The following PRSS23 variants were observed in gnomAD, a reference collection of about 807,000 sequenced individuals.
The protein encoded by PRSS23 is protease, serine 23.
A neutral mutation model predicts 34.7 loss-of-function variants in PRSS23; 25 were observed. The observed-to-expected ratio is 0.72, with a 90% CI of 0.53 to 1.01. The LOEUF is 1.01. Among genes scored for constraint, PRSS23 ranks in the 50% least tolerant of loss-of-function variants. The pLI, the probability that PRSS23 is intolerant of heterozygous loss-of-function variation, is 0.00. For synonymous variants in PRSS23, 176 were observed against 186.6 expected (o/e 0.94, Z 0.46); for missense variants, 445 against 475.6 (o/e 0.94, Z 0.60).
intron 2 of PRSS23, among the ~76,000 whole-genome samples, chr11:86,901,293 A>G (rs1318459773): frequency 6.6e-6 from 1 of 152,156 alleles, no homozygotes; most frequent in African/African-American, 2.4e-5. Context: ...TACATTATAT[A>G]CCAAGAACCG....
intron 2 of PRSS23, among the ~76,000 whole-genome samples, chr11:86,843,859 T>A (rs1439513730): frequency 6.6e-6 from 1 of 152,210 alleles, no homozygotes; most frequent in Non-Finnish European, 1.5e-5. Context: ...AGTGTGGCAA[T>A]TCCTCAAGTA....
At chr11:86,843,612 A>C (rs1426612244) in intron 2 of PRSS23, among the ~76,000 whole-genome samples, 2 of 152,224 alleles carry the variant, frequency 1.3e-5, no homozygotes, top group Non-Finnish European at 2.9e-5. Flanking sequence ...AAAGAATATA[A>C]ACAGACACTT....
chr11:86,811,910 C>T (rs1036025154), downstream of PRSS23, among the ~76,000 whole-genome samples: 2 of 152,114 alleles, frequency 1.3e-5, no homozygotes, highest in Non-Finnish European at 2.9e-5. Context: ...TGACAGTGAT[C>T]CCCAACACTC....
intron 2 of PRSS23, among the ~76,000 whole-genome samples, chr11:86,932,280 T>G (rs1360009028): frequency 6.6e-6 from 1 of 152,174 alleles, no homozygotes; most frequent in East Asian, 1.9e-4. Context: ...AAATTAGGCT[T>G]TCCCAAACAA....
intron 2 of PRSS23, among the ~76,000 whole-genome samples, chr11:86,901,162 C>A (rs1948909782): frequency 6.6e-6 from 1 of 152,070 alleles, no homozygotes; most frequent in African/African-American, 2.4e-5. Flanking sequence ...TTCATAACAG[C>A]CTAGTCTTTT....
Position 86,891,845 on chromosome 11 carries a change from G to A in PRSS23, c.207-59371G>A, listed in dbSNP as rs552066930. On this transcript the variant is annotated intron_variant, in intron 2 of 2. Transcript: ENST00000533902. ...CTAAGTGTTTGGTAGTTCCTCCTGC[G>A]TTCATTCTCCTTCCTGCTGCCTTGT... Among the ~76,000 whole-genome samples, 299 of 152,178 alleles carry A rather than the reference G, an allele frequency of 2.0e-3. 1 individual carries two copies. Among genetic ancestry groups the A allele is most frequent in the Non-Finnish European group, 2.3e-3 (158 of 68,016 alleles).
chr11:86,838,837 A>G (rs1449599321), intron 2 of PRSS23, among the ~76,000 whole-genome samples: 1 of 152,192 alleles, frequency 6.6e-6, no homozygotes, highest in Admixed American at 6.5e-5. Context: ...CCAGGCAAAC[A>G]GGTTCTGGAA....
In PRSS23 at chr11:86,800,659, C is replaced by G. The variant is rs553750167; in HGVS notation, c.-14+8C>G. On this transcript the variant is annotated splice_region_variant and intron_variant, in intron 1 of 1. Transcript: ENST00000280258. ...GCGGGCTGCTCGGCGCGGGTGAGTG[C>G]GGGCACCGACTGGGGCATCCGCCCG... The G allele has an allele frequency of 4.2e-5, 41 of 984,880 alleles. 1 individual carries two copies. The Middle Eastern group carries it at 2.1e-3, about 50-fold the overall frequency. The allele number at this position is 984,880 out of a possible 1,614,324, so 61.0% of individuals were successfully genotyped here.
intron 2 of PRSS23, among the ~76,000 whole-genome samples, chr11:86,858,103 A>G (rs978813675): frequency 7.2e-5 from 11 of 151,998 alleles, no homozygotes; most frequent in African/African-American, 2.7e-4. Flanking sequence ...TACTCCCAGT[A>G]TCTCAGAAAC....
At chr11:86,864,622 A>G (rs1317384974) in intron 2 of PRSS23, among the ~76,000 whole-genome samples, 1 of 152,210 alleles carries the variant, frequency 6.6e-6, no homozygotes. Flanking sequence ...TTAGTTTTCT[A>G]TTGCTTCTAT....
intron 2 of PRSS23, among the ~76,000 whole-genome samples, chr11:86,832,362 C>T (rs1240449285): frequency 1.3e-5 from 2 of 152,034 alleles, no homozygotes; most frequent in Non-Finnish European, 2.9e-5. Context: ...AGTGGGTGTA[C>T]TCCATGTGTG....
At chr11:86,816,813 A>T (rs1948217980) in intron 1 of PRSS23, among the ~76,000 whole-genome samples, 1 of 152,236 alleles carries the variant, frequency 6.6e-6, no homozygotes, top group Admixed American at 6.5e-5. Flanking sequence ...GGAAGAATTC[A>T]TTCAATTCCT....
At chr11:86,841,547 T>C (rs1948448814) in intron 2 of PRSS23, among the ~76,000 whole-genome samples, 1 of 151,700 alleles carries the variant, frequency 6.6e-6, no homozygotes, top group Non-Finnish European at 1.5e-5. Context: ...GCAAGACTAA[T>C]AAAGAAGAAA....
intron 2 of PRSS23, among the ~76,000 whole-genome samples, chr11:86,864,891 ACACTG>A (rs1362036279): frequency 6.6e-6 from 1 of 152,088 alleles, no homozygotes; most frequent in Non-Finnish European, 1.5e-5. Flanking sequence ...TTCCATCATC[ACACTG>A]CCTTCTGTAA....
downstream of PRSS23, among the ~76,000 whole-genome samples, chr11:86,816,049 A>G (rs531462678): frequency 6.6e-6 from 1 of 152,278 alleles, no homozygotes; most frequent in Admixed American, 6.5e-5. Flanking sequence ...TGAATCCATG[A>G]CCAATCCAAT....
intron 2 of PRSS23, chr11:86,857,115 G>T: frequency 3.3e-6 from 1 of 302,686 alleles, no homozygotes. Flanking sequence ...CACTATGAAT[G>T]TCCCTGTTTC....
At chr11:86,952,036 G>C in exon 3 of PRSS23, 1 of 1,614,116 alleles carries the variant, frequency 6.2e-7, no homozygotes, top group Non-Finnish European at 8.5e-7. Flanking sequence ...CGATCAGGAA[G>C]GTCAGTACTG....
chr11:86,807,567 G>A (rs1948115968), intron 1 of PRSS23, 64 bp from the exon 2 acceptor site: 2 of 1,398,280 alleles, frequency 1.4e-6, no homozygotes, highest in South Asian at 1.4e-5. Flanking sequence ...GCTGAGCTTT[G>A]CTGTCTGCAG....
chr11:86,869,315 C>T (rs1222123268), intron 2 of PRSS23, among the ~76,000 whole-genome samples: 1 of 152,156 alleles, frequency 6.6e-6, no homozygotes, highest in Non-Finnish European at 1.5e-5. Flanking sequence ...AGCCATGATA[C>T]ATGAAGTTCA....
Sources: allele counts gnomAD v4.1 joint callset (sites outside exome capture counted in the v4.1 genomes callset), GRCh38; gene constraint gnomAD v4.1.1; transcripts MANE v1.5; gene names NCBI Gene and HGNC (gene_info 2026-07-23, HGNC 2026-07-21).